The following DNAJC1 variants were observed in gnomAD, a reference collection of about 807,000 sequenced individuals.
DNAJC1 encodes DnaJ heat shock protein family (Hsp40) member C1, also known as dnaJ homolog subfamily C member 1.
Under a neutral mutation model 76.6 loss-of-function variants are expected in DNAJC1, and 58 were observed. The ratio of observed to expected loss-of-function variants is 0.76; its 90% CI spans 0.61 to 0.94. The LOEUF (loss-of-function observed/expected upper bound fraction) is 0.94, where lower values mean the gene tolerates loss of function less well. Among genes scored for constraint, DNAJC1 ranks in the 40% least tolerant of loss-of-function variants. The pLI is 0.00. For synonymous variants in DNAJC1, 258 were observed against 267.9 expected (o/e 0.96, Z 0.36); for missense variants, 689 against 677.3 (o/e 1.02, Z -0.19).
chr10:21,937,932 G>A (rs534640984), intron 1 of DNAJC1, among the ~76,000 whole-genome samples: 2 of 152,278 alleles, frequency 1.3e-5, no homozygotes, highest in South Asian at 4.1e-4. Context: ...TTGTCTCTAA[G>A]ATAATTGTGA....
rs981471861 is a variant in DNAJC1 at position 21,976,583 on chromosome 10, A to C, written c.222+26630T>G. 7.2e-5 allele frequency among the ~76,000 whole-genome samples: 11 copies of C among 152,342 alleles called. No individual in the cohort carries two copies. The East Asian group carries it at 2.1e-3, about 29-fold the overall frequency. ...GCTAGTCAAATAATAGGAAAATGCC[A>C]ACAGACCATATTAGTGGGGGAGAGT... On this transcript the variant is annotated intron_variant, in intron 1 of 11. Transcript: ENST00000376980.
chr10:21,793,943 A>G (rs1427444681), intron 9 of DNAJC1, among the ~76,000 whole-genome samples: 1 of 151,720 alleles, frequency 6.6e-6, no homozygotes, highest in African/African-American at 2.4e-5. Flanking sequence ...ACAGAGTGAG[A>G]CTCTGTCAGA....
chr10:21,925,952 A>T (rs2131776526), intron 3 of DNAJC1, among the ~76,000 whole-genome samples: 1 of 152,334 alleles, frequency 6.6e-6, no homozygotes, highest in Non-Finnish European at 1.5e-5. Flanking sequence ...CCAAATAAGG[A>T]TGTTAAAAAA....
In DNAJC1 at chr10:21,964,319, A is replaced by G. The variant is rs563322925; in HGVS notation, c.223-35178T>C. 1.6e-4 allele frequency among the ~76,000 whole-genome samples: 25 copies of G among 152,182 alleles called. No individual in the cohort carries two copies. In the East Asian group the frequency reaches 4.6e-3, roughly 28 times the overall value. On this transcript the variant is annotated intron_variant, in intron 1 of 11. Transcript: ENST00000376980. ...AACCTCCACCTCCCGGGCTGAAGCA[A>G]TCCTCCCACCTTAGCCTCCCCAGTA... is the stretch of plus-strand genomic sequence containing the variant.
At chr10:21,805,039 A>G (rs1272338643) in intron 9 of DNAJC1, among the ~76,000 whole-genome samples, 1 of 152,144 alleles carries the variant, frequency 6.6e-6, no homozygotes, top group Non-Finnish European at 1.5e-5. Flanking sequence ...TACAGCATTT[A>G]TAAGCTCCTT....
intron 1 of DNAJC1, among the ~76,000 whole-genome samples, chr10:21,935,990 T>C (rs1360918259): frequency 1.3e-5 from 2 of 152,210 alleles, no homozygotes; most frequent in African/African-American, 4.8e-5. Context: ...TACTAGACAG[T>C]AATTCAAATC....
rs561630356 is a variant in DNAJC1, at chr10:21,815,936, G to A, written c.979-9837C>T. ...TTTTTGTATTTTTAGTAGAGATGGG[G>A]TTTCACCATGTTGGCCAGGCTGGTC... is the stretch of plus-strand genomic sequence containing the variant. On this transcript the variant is annotated intron_variant, in intron 8 of 11. Transcript: ENST00000376980. Among the ~76,000 whole-genome samples, 7 of 151,552 alleles carry A rather than the reference G, an allele frequency of 4.6e-5. No homozygotes were observed. In the East Asian group the frequency reaches 1.4e-3, roughly 30 times the overall value.
intron 9 of DNAJC1, among the ~76,000 whole-genome samples, chr10:21,778,593 T>C (rs1197536428): frequency 2.6e-5 from 4 of 152,058 alleles, no homozygotes. Flanking sequence ...GAACTGTACT[T>C]ACAAGAAAAA....
intron 8 of DNAJC1, among the ~76,000 whole-genome samples, chr10:21,876,293 G>A (rs762187525): frequency 2.0e-5 from 3 of 151,836 alleles, no homozygotes; most frequent in Non-Finnish European, 4.4e-5. Flanking sequence ...GTATTTTTTG[G>A]TGGAGGTGGG....
intron 8 of DNAJC1, among the ~76,000 whole-genome samples, chr10:21,835,943 A>G (rs1014533761): frequency 1.3e-5 from 2 of 152,206 alleles, no homozygotes; most frequent in African/African-American, 4.8e-5. Flanking sequence ...CTAGCAAGGC[A>G]GGCCACCATT....
At chr10:21,847,723 A>C (rs559968188) in intron 8 of DNAJC1, among the ~76,000 whole-genome samples, 1 of 152,256 alleles carries the variant, frequency 6.6e-6, no homozygotes, top group East Asian at 1.9e-4. Flanking sequence ...TAAAATTAAC[A>C]TAACGTCCTC....
chr10:22,002,997 T>C (rs1182704882), intron 1 of DNAJC1, among the ~76,000 whole-genome samples: 1 of 152,064 alleles, frequency 6.6e-6, no homozygotes, highest in Non-Finnish European at 1.5e-5. Context: ...AGCCTGTCAC[T>C]GGGGCTGGGA....
chr10:21,836,673 C>G (rs889124329), intron 8 of DNAJC1, among the ~76,000 whole-genome samples: 1 of 152,066 alleles, frequency 6.6e-6, no homozygotes, highest in Non-Finnish European at 1.5e-5. Context: ...GCAGGGGTTG[C>G]AATCCTAGTC....
At chr10:21,810,691 C>G (rs995790704) in intron 8 of DNAJC1, among the ~76,000 whole-genome samples, 5 of 152,114 alleles carry the variant, frequency 3.3e-5, no homozygotes, top group Non-Finnish European at 7.3e-5. Flanking sequence ...CTATACAAGA[C>G]CTATTTAGAA....
chr10:21,816,545 C>T (rs867132857), intron 8 of DNAJC1, among the ~76,000 whole-genome samples: 4,661 of 134,576 alleles, frequency 0.035, 151 homozygotes, highest in African/African-American at 0.067. Context: ...GTCTCTCTCT[C>T]TTTTTTTTTT....
At chr10:21,920,546 A>G in intron 4 of DNAJC1, 1 of 288,068 alleles carries the variant, frequency 3.5e-6, no homozygotes, top group East Asian at 5.9e-5. Context: ...CTACCTTCTA[A>G]TTCCCAGCTA....
At chr10:21,952,396 C>A (rs1262226840) in intron 1 of DNAJC1, among the ~76,000 whole-genome samples, 1 of 151,978 alleles carries the variant, frequency 6.6e-6, no homozygotes, top group Non-Finnish European at 1.5e-5. Flanking sequence ...TATGAGACAT[C>A]AAAATTAACC....
At chr10:21,807,428 C>G (rs1834896010) in intron 8 of DNAJC1, among the ~76,000 whole-genome samples, 1 of 152,196 alleles carries the variant, frequency 6.6e-6, no homozygotes, top group Non-Finnish European at 1.5e-5. Flanking sequence ...TTTTTACTGT[C>G]TCCCCCAATC....
intron 6 of DNAJC1, among the ~76,000 whole-genome samples, chr10:21,911,040 AAAGG>A (rs56239918): frequency 0.022 from 2,812 of 130,058 alleles, 50 homozygotes; most frequent in Middle Eastern, 0.051. Context: ...AAAGAGAGAG[AAAGG>A]AAGGAAGGAA....
Sources: gnomAD v4.1 joint callset for allele counts (sites outside exome capture counted in the v4.1 genomes callset) on GRCh38, gnomAD v4.1.1 for gene constraint, MANE v1.5 for transcripts, NCBI Gene and HGNC (gene_info 2026-07-23, HGNC 2026-07-21) for gene names.